Variants in TNNT3 observed in about 807,000 individuals in gnomAD.
The protein encoded by TNNT3 is troponin T, fast skeletal muscle.
A neutral mutation model predicts 54.2 loss-of-function variants in TNNT3; 36 were observed. The ratio of observed to expected loss-of-function variants is 0.66; its 90% confidence interval spans 0.51 to 0.88. The LOEUF (loss-of-function observed/expected upper bound fraction) is 0.88, where lower values mean the gene tolerates loss of function less well. Ranked by LOEUF, TNNT3 falls within the 40% of genes least tolerant of loss-of-function variation. The pLI is 0.00. For synonymous variants in TNNT3, 120 were observed against 109.7 expected (o/e 1.09, Z -0.59); for missense variants, 291 against 331.6 (o/e 0.88, Z 0.95).
intron 15 of TNNT3, 104 bp from the exon 16 acceptor site, chr11:1,938,334 G>A (rs1855751877): frequency 7.6e-7 from 1 of 1,310,030 alleles, no homozygotes; most frequent in Non-Finnish European, 1.1e-6. Flanking sequence ...CCTGTGCCCT[G>A]AGAGCAGCCT....
chr11:1,932,617 G>C (rs775026542), intron 9 of TNNT3, 103 bp downstream of exon 9: 3 of 1,131,062 alleles, frequency 2.7e-6, no homozygotes, highest in South Asian at 2.5e-5. Flanking sequence ...AGCCAGAGCC[G>C]GGGCCTCCTG....
At chr11:1,931,535 C>T (rs938736743) in intron 8 of TNNT3, among the ~76,000 whole-genome samples, 2 of 152,192 alleles carry the variant, frequency 1.3e-5, no homozygotes, top group East Asian at 1.9e-4. Context: ...TCGGGGCCAG[C>T]GTTTCCCTGA....
In TNNT3 at chr11:1,929,815, A is replaced by C. The variant is rs200287895; in HGVS notation, c.112A>C (p.Lys38Gln). 3.9e-6 allele frequency: 6 copies of C among 1,551,068 alleles called. No homozygotes were observed. In the East Asian group the frequency reaches 1.5e-4, roughly 38 times the overall value. ...GCTGGTGCTGTGTGGACCAGAGGAG[A>C]AACCGAGACCCAAGTGAGTGTGGGG... ...DTAEEDAEEE[K>Q]PRPKLTAPKI... is the part of the protein sequence containing the mutation. The change falls in exon 8 of 16, where the codon AAA becomes CAA. Residue 38 changes from lysine (K) to glutamine (Q), a missense_variant. Transcript: ENST00000278317.
Position 1,933,718 on chromosome 11 carries a change from C to T in TNNT3, c.172-3C>T, listed in dbSNP as rs1428205633. ...GGCTCACACCCACTGCCCCTGCCCA[C>T]AGGACATCCAGAAGAAGCGTCAGAA... is the stretch of plus-strand genomic sequence containing the variant. On this transcript the variant is annotated splice_region_variant and splice_polypyrimidine_tract_variant and intron_variant, in intron 9 of 15. Transcript: ENST00000278317. 4.3e-6 allele frequency: 7 copies of T among 1,612,158 alleles called. No homozygotes were observed. The highest frequency in any genetic ancestry group is 2.2e-5 in the East Asian group (1 of 44,894).
In TNNT3 at chr11:1,934,572, G is replaced by A; in HGVS notation, c.507G>A (p.Gln169=). The change falls in exon 13 of 16, where the codon CAG becomes CAA. Residue 169 remains glutamine, a synonymous_variant. Transcript: ENST00000278317. Reference sequence around the variant, plus strand: ...CTGACCAGAAGAGAGGCAAGAAGCAGACAGCCCGGGAAATGAAGAAGAAGA... The same window carrying A: ...CTGACCAGAAGAGAGGCAAGAAGCAAACAGCCCGGGAAATGAAGAAGAAGA... ...AKADQKRGKK[Q]TAREMKKKIL... is the part of the protein sequence containing the mutation. 6.2e-7 allele frequency: 1 copy of A among 1,609,738 alleles called. No individual in the cohort carries two copies. The highest frequency in any genetic ancestry group is 8.5e-7 in the Non-Finnish European group (1 of 1,178,450).
At chr11:1,923,133 A>G (rs1227256049) in intron 3 of TNNT3, 72 bp downstream of exon 3, 2 of 1,592,776 alleles carry the variant, frequency 1.3e-6, no homozygotes, top group Non-Finnish European at 1.7e-6. Flanking sequence ...AGGGGGCTGG[A>G]CTGTGCATAC....
intron 14 of TNNT3, chr11:1,936,140 G>A (rs1854952640): frequency 6.3e-7 from 1 of 1,577,798 alleles, no homozygotes; most frequent in Admixed American, 1.7e-5. Flanking sequence ...CCATCACCAG[G>A]CCAAGCTAGC....
chr11:1,929,609 C>T (rs771067998), intron 7 of TNNT3, among the ~76,000 whole-genome samples: 3 of 152,266 alleles, frequency 2.0e-5, no homozygotes, highest in Non-Finnish European at 4.4e-5. Flanking sequence ...CCCCTCCAAC[C>T]CTGCCAGGGG....
intron 1 of TNNT3, 93 bp from the exon 2 acceptor site, chr11:1,922,764 G>C: frequency 7.5e-7 from 1 of 1,325,040 alleles, no homozygotes; most frequent in Non-Finnish European, 1.1e-6. Context: ...CCACAGCGCT[G>C]CTCCAAGACC....
chr11:1,938,413 A>G, intron 15 of TNNT3, 25 bp from the exon 16 acceptor site: 1 of 1,612,820 alleles, frequency 6.2e-7, no homozygotes, highest in Non-Finnish European at 8.5e-7. Flanking sequence ...CTGACCCTGA[A>G]GGATCACTTG....
chr11:1,932,548 G>A lies in TNNT3; in HGVS notation c.171+34G>A, dbSNP rs371612957. On this transcript the variant is annotated intron_variant, in intron 9 of 15. Transcript: ENST00000278317. ...ACAGGACTCTGGTTAACATGTCCAC[G>A]GTTTCCCCACACCCCAGCTTTTGGG... is the stretch of plus-strand genomic sequence containing the variant. 1.1e-4 allele frequency: 176 copies of A among 1,609,896 alleles called. No individual in the cohort carries two copies. In the African/African-American group the frequency reaches 1.1e-3, roughly 10 times the overall value.
intron 14 of TNNT3, among the ~76,000 whole-genome samples, chr11:1,936,473 G>A (rs1053459891): frequency 4.9e-4 from 74 of 152,276 alleles, no homozygotes; most frequent in Non-Finnish European, 8.7e-4. Context: ...CTTCCCAGGA[G>A]CTCCGCCTCA....
intron 4 of TNNT3, 186 bp from the exon 5 acceptor site, chr11:1,924,913 C>T (rs1851100707): frequency 8.5e-6 from 6 of 707,886 alleles, no homozygotes; most frequent in Non-Finnish European, 1.5e-5. Context: ...AGTCCGTGCT[C>T]CCCGGGGCTG....
At chr11:1,934,232 C>T (rs1405820364) in intron 11 of TNNT3, 100 bp from the exon 12 acceptor site, 9 of 1,206,986 alleles carry the variant, frequency 7.5e-6, no homozygotes, top group Non-Finnish European at 1.1e-5. Context: ...AGGGTGGGCC[C>T]TTCCAGACAG....
At chr11:1,927,144 T>A (rs1589923576) in intron 6 of TNNT3, among the ~76,000 whole-genome samples, 2 of 148,444 alleles carry the variant, frequency 1.3e-5, no homozygotes, top group African/African-American at 5.0e-5. Flanking sequence ...TAGGGAGGGG[T>A]GAGGTGGAAG....
chr11:1,932,380 T>G (rs1853642580), intron 8 of TNNT3, 89 bp from the exon 9 acceptor site: 1 of 1,290,356 alleles, frequency 7.7e-7, no homozygotes, highest in Non-Finnish European at 1.1e-6. Flanking sequence ...GCACCAGGGT[T>G]GGCAGGGGCC....
intron 7 of TNNT3, among the ~76,000 whole-genome samples, 181 bp downstream of exon 7, chr11:1,929,324 C>T (rs1054202565): frequency 6.6e-6 from 1 of 152,200 alleles, no homozygotes; most frequent in Admixed American, 6.5e-5. Flanking sequence ...CCGCTGGGGT[C>T]GAGCTGCCAG....
Position 1,926,703 on chromosome 11 carries a change from CAAG to C in TNNT3, c.80_82del (p.Glu27del). 6.2e-7 allele frequency: 1 copy of C among 1,613,444 alleles called. No homozygotes were observed. Among genetic ancestry groups the C allele is most frequent in the Non-Finnish European group, 8.5e-7 (1 of 1,180,026 alleles). ...TGACGCTGCTTCTGCAGAGGAAGTT[CAAG>C]AAGGTACGCCGGCGCTCCCCCGCCT... On this transcript the variant is annotated inframe_deletion, in exon 6 of 16. Transcript: ENST00000278317.
chr11:1,936,163 C>T, intron 14 of TNNT3: 1 of 1,610,606 alleles, frequency 6.2e-7, no homozygotes, highest in South Asian at 1.1e-5. Context: ...ACAGCCGGGC[C>T]TCGATGCCCC....
Sources: gnomAD v4.1 joint callset for allele counts (sites outside exome capture counted in the v4.1 genomes callset) on GRCh38, gnomAD v4.1.1 for gene constraint, MANE v1.5 for transcripts, NCBI Gene and HGNC (gene_info 2026-07-23, HGNC 2026-07-21) for gene names.